The following PPP1R37 variants were observed in gnomAD, a reference collection of about 807,000 sequenced individuals.
PPP1R37 encodes leucine rich repeat containing 68.
A neutral mutation model predicts 61.0 loss-of-function variants in PPP1R37; 21 were observed. That is an observed-to-expected ratio of 0.34 (90% confidence interval 0.24 to 0.50). The LOEUF (loss-of-function observed/expected upper bound fraction) is 0.50. Among genes scored for constraint, PPP1R37 ranks in the 20% least tolerant of loss-of-function variants. PPP1R37 has a pLI of 0.98. For missense variants in PPP1R37, 910 were observed against 952.7 expected, an observed-to-expected ratio of 0.96 and a Z score of 0.59; for synonymous variants, 443 against 433.5, an observed-to-expected ratio of 1.02 and a Z score of -0.27.
intron 1 of PPP1R37, among the ~76,000 whole-genome samples, 163 bp downstream of exon 1, chr19:45,093,690 C>T (rs1377804271): frequency 6.6e-6 from 1 of 152,138 alleles, no homozygotes; most frequent in African/African-American, 2.4e-5. Context: ...AAGGGGGTGG[C>T]TATGGAGTTG....
At chr19:45,134,365 G>A in intron 1 of PPP1R37, among the ~76,000 whole-genome samples, 1 of 152,180 alleles carries the variant, frequency 6.6e-6, no homozygotes. Context: ...AATTGAAGCT[G>A]TGTTTATTTG....
In PPP1R37 at chr19:45,130,517, C is replaced by T. The variant is rs912747189; in HGVS notation, c.203-7997C>T. Among the ~76,000 whole-genome samples the T allele has an allele frequency of 6.6e-6, 1 of 152,168 alleles. No homozygotes were observed. Among genetic ancestry groups the T allele is most frequent in the Non-Finnish European group, 1.5e-5 (1 of 68,020 alleles). Reference sequence around the variant, plus strand: ...TGCCACGGGGTTTGCACAGGGACTGCGCAGTGGGCCTCCTGAATGAAGACC... The same window carrying T: ...TGCCACGGGGTTTGCACAGGGACTGTGCAGTGGGCCTCCTGAATGAAGACC... On this transcript the variant is annotated intron_variant, in intron 1 of 12. Transcript: ENST00000221462. The surrounding 1 kb of genome is among the most constrained non-coding windows in gnomAD (Gnocchi z 4.4).
At position 45,107,933 on chromosome 19, in the gene PPP1R37, C is replaced by T. The variant is rs182739581; in HGVS notation, c.202+14406C>T. 6.8e-4 allele frequency among the ~76,000 whole-genome samples: 104 copies of T among 152,266 alleles called. No individual in the cohort carries two copies. In the Middle Eastern group the frequency reaches 0.01, roughly 15 times the overall value. On this transcript the variant is annotated intron_variant, in intron 1 of 12. Coordinates refer to ENST00000221462, the MANE Select transcript of PPP1R37 (RefSeq NM_019121.2). ...TTCTAGCCATTTCCGCATTGCTGAG[C>T]GTTTAGGTCCTTTCCAGTTTTCAGT...
intron 1 of PPP1R37, among the ~76,000 whole-genome samples, chr19:45,113,686 C>T (rs7257566): frequency 0.11 from 16,844 of 152,326 alleles, 1,308 homozygotes; most frequent in Non-Finnish European, 0.17. Context: ...GAGGCAGGGT[C>T]AGCCCTGGGC....
Position 45,140,483 on chromosome 19 carries a change from G to T in PPP1R37, c.347-23G>T, listed in dbSNP as rs957895908. The T allele has an allele frequency of 5.3e-6, 8 of 1,518,526 alleles. No individual in the cohort carries two copies. In the Admixed American group the frequency reaches 1.2e-4, roughly 22 times the overall value. The allele number at this position is 1,518,526 out of a possible 1,614,324, so 94.1% of individuals were successfully genotyped here. ...CAAAGGTGCACTGTCTTAGACATGCGCACGGCTGCTGTCTCCCCCCAGGTG... is the reference window on the plus strand; with the variant it reads ...CAAAGGTGCACTGTCTTAGACATGCTCACGGCTGCTGTCTCCCCCCAGGTG... On this transcript the variant is annotated intron_variant, in intron 3 of 12. Coordinates refer to ENST00000221462, the MANE Select transcript of PPP1R37 (RefSeq NM_019121.2).
At position 45,104,155 on chromosome 19, in the gene PPP1R37, C is replaced by T. The variant is rs187539271; in HGVS notation, c.202+10628C>T. Among the ~76,000 whole-genome samples, 3 of 152,348 alleles carry T rather than the reference C, an allele frequency of 2.0e-5. No homozygotes were observed. In the East Asian group the frequency reaches 5.8e-4, roughly 29 times the overall value. On this transcript the variant is annotated intron_variant, in intron 1 of 12. Coordinates refer to ENST00000221462, the MANE Select transcript of PPP1R37 (RefSeq NM_019121.2). ...TGACCAACTCCCCCTCCCGTGCTGCCTTCTGGGCAAGGCCTTCTCTAATCC... is the reference window on the plus strand; with the variant it reads ...TGACCAACTCCCCCTCCCGTGCTGCTTTCTGGGCAAGGCCTTCTCTAATCC...
At position 45,146,710 on chromosome 19, in the gene PPP1R37, C is replaced by T. The variant is rs1968707037; in HGVS notation, c.*148C>T. ...CCCCCCTCCCCCCACAGCAACACTA[C>T]AAGGGGTGCAGGAGCTACAGGGAGT... On this transcript the variant is annotated 3_prime_UTR_variant, in exon 13 of 13. Coordinates refer to ENST00000221462, the MANE Select transcript of PPP1R37 (RefSeq NM_019121.2). 3 of 508,420 alleles carry T rather than the reference C, an allele frequency of 5.9e-6. No individual in the cohort carries two copies. The highest frequency in any genetic ancestry group is 1.1e-5 in the Non-Finnish European group (3 of 278,282). The allele number at this position is 508,420 out of a possible 1,614,324, so 31.5% of individuals were successfully genotyped here. A position where few individuals can be genotyped will look rare whatever the true frequency, so the allele number is the denominator to read the frequency against.
intron 1 of PPP1R37, among the ~76,000 whole-genome samples, chr19:45,101,395 G>C (rs1035888137): frequency 5.3e-5 from 8 of 152,186 alleles, no homozygotes; most frequent in African/African-American, 1.9e-4. Flanking sequence ...CTTATGGGCT[G>C]TGCTAGCAGG....
At chr19:45,114,452 G>A (rs193042932) in intron 1 of PPP1R37, among the ~76,000 whole-genome samples, 51 of 149,134 alleles carry the variant, frequency 3.4e-4, no homozygotes, top group African/African-American at 1.3e-3. Context: ...CCAGCCCCCT[G>A]ACCCGGGCAG....
rs1599713730 is a variant in PPP1R37, at chr19:45,144,917, C to T, written c.1051C>T (p.Arg351Trp). The T allele has an allele frequency of 6.5e-7, 1 of 1,535,688 alleles. No individual in the cohort carries two copies. Among genetic ancestry groups the T allele is most frequent in the Non-Finnish European group, 8.7e-7 (1 of 1,146,706 alleles). The change falls in exon 9 of 13, where the codon CGG becomes TGG. Residue 351 changes from arginine (R) to tryptophan (W), a missense_variant. By Grantham distance (101) the Arg-to-Trp change is moderately radical. Transcript: ENST00000221462. The stretch of plus-strand genomic sequence containing the variant: ...CAACCCCATCGGGAACGAGGGTGTG[C>T]GGCACCTCAAGAACGGGCTCATCAG... ...GHNPIGNEGV[R>W]HLKNGLISNR...
intron 1 of PPP1R37, among the ~76,000 whole-genome samples, chr19:45,116,826 G>C (rs778000153): frequency 2.6e-5 from 4 of 152,064 alleles, no homozygotes; most frequent in Non-Finnish European, 5.9e-5. Flanking sequence ...TGAGGAGGCA[G>C]AGTGTTGTCT....
chr19:45,120,231 A>C (rs974308330), intron 1 of PPP1R37, among the ~76,000 whole-genome samples: 2 of 151,968 alleles, frequency 1.3e-5, no homozygotes, highest in Non-Finnish European at 2.9e-5. Context: ...GTTAGCCAGG[A>C]TGGTCTCGAT....
At position 45,144,884 on chromosome 19, in the gene PPP1R37, C is replaced by G; in HGVS notation, c.1018C>G (p.Leu340Val). 2.0e-6 allele frequency: 3 copies of G among 1,535,362 alleles called. No individual in the cohort carries two copies. Among genetic ancestry groups the G allele is most frequent in the South Asian group, 1.2e-5 (1 of 83,922 alleles). ...CACTCAGAGCCTGGAGACGCTGAAC[C>G]TGGGCCACAACCCCATCGGGAACGA... The part of the protein sequence containing the change: ...PHTQSLETLN[L>V]GHNPIGNEGV... The change falls in exon 9 of 13, where the codon CTG becomes GTG. Residue 340 changes from leucine to valine, a missense_variant. By Grantham distance (32) the Leu-to-Val change is conservative (BLOSUM62 1). This residue lies in a region of PPP1R37 where 549 missense variants were observed against 505.1 expected (regional missense o/e 1.09). Transcript: ENST00000221462.
At chr19:45,127,054 A>T (rs1382562049) in intron 1 of PPP1R37, among the ~76,000 whole-genome samples, 1 of 152,168 alleles carries the variant, frequency 6.6e-6, no homozygotes, top group African/African-American at 2.4e-5. Flanking sequence ...GTGGACTTAC[A>T]CAAACCTAGG....
intron 1 of PPP1R37, among the ~76,000 whole-genome samples, chr19:45,109,455 A>G (rs1378059979): frequency 1.3e-5 from 2 of 152,126 alleles, no homozygotes; most frequent in Admixed American, 6.5e-5. Flanking sequence ...GGCCTGGGAA[A>G]AGGGTTAGCA....
intron 4 of PPP1R37, 48 bp downstream of exon 4, chr19:45,140,654 C>G (rs1487454713): frequency 7.0e-7 from 1 of 1,432,590 alleles, no homozygotes; most frequent in Admixed American, 2.0e-5. Context: ...CTCCCGGGCC[C>G]CTTCGAGGTT....
At chr19:45,143,923 C>T (rs887187845) in intron 8 of PPP1R37, 41 of 214,798 alleles carry the variant, frequency 1.9e-4, no homozygotes, top group Non-Finnish European at 3.2e-4. Context: ...CACTCCAGCC[C>T]CCGCCTCCTG....
intron 1 of PPP1R37, among the ~76,000 whole-genome samples, chr19:45,097,806 C>G (rs1301840737): frequency 6.6e-6 from 1 of 152,100 alleles, no homozygotes; most frequent in Non-Finnish European, 1.5e-5. Context: ...CCATCCTCTT[C>G]TCCGCTTTCC....
intron 1 of PPP1R37, among the ~76,000 whole-genome samples, chr19:45,106,017 C>T (rs547285507): frequency 4.7e-4 from 72 of 152,322 alleles, no homozygotes; most frequent in Admixed American, 2.9e-3. Flanking sequence ...CACCAACAGG[C>T]GGGGCCATCT....
Sources: allele counts gnomAD v4.1 joint callset (sites outside exome capture counted in the v4.1 genomes callset), GRCh38; gene constraint gnomAD v4.1.1; regional missense constraint gnomAD v4.1.1; non-coding constraint Gnocchi (gnomAD v3.1); transcripts MANE v1.5; gene names NCBI Gene and HGNC (gene_info 2026-07-23, HGNC 2026-07-21).